The following ADGRL3 variants were observed in gnomAD, a reference collection of about 807,000 sequenced individuals.
The protein encoded by ADGRL3 is calcium-independent alpha-latrotoxin receptor 3.
In ADGRL3, 62 loss-of-function variants were observed where a neutral mutation model predicts 153.5. The ratio of observed to expected loss-of-function variants is 0.40; its 90% CI spans 0.33 to 0.50. The LOEUF (loss-of-function observed/expected upper bound fraction) is 0.50, where lower values mean the gene tolerates loss of function less well. ADGRL3 is among the 20% of genes least tolerant of loss of function. The probability of loss-of-function intolerance (pLI) is 0.47; values close to 1 mark genes in which losing one functional copy is unlikely to be tolerated. For missense variants in ADGRL3, 1,641 were observed against 1,859.4 expected (o/e 0.88, Z 2.16); for synonymous variants, 710 against 672.5 (o/e 1.06, Z -0.86).
intron 6 of ADGRL3, among the ~76,000 whole-genome samples, chr4:61,717,927 G>T (rs1048022425): frequency 6.6e-6 from 1 of 152,130 alleles, no homozygotes; most frequent in Admixed American, 6.6e-5. Context: ...CTAGCTACTC[G>T]GGTGGCTGAG....
intron 1 of ADGRL3, among the ~76,000 whole-genome samples, chr4:61,224,840 C>T (rs766440080): frequency 2.0e-5 from 3 of 152,290 alleles, no homozygotes; most frequent in Non-Finnish European, 2.9e-5. Context: ...GATGGCGACA[C>T]ACAACCATTT....
intron 11 of ADGRL3, among the ~76,000 whole-genome samples, chr4:61,899,428 C>T (rs1188514620): frequency 1.3e-5 from 2 of 152,018 alleles, no homozygotes; most frequent in African/African-American, 4.8e-5. Context: ...CTTTACCCTC[C>T]CCCTGCTGCC....
intron 9 of ADGRL3, among the ~76,000 whole-genome samples, chr4:61,876,736 A>T (rs143351739): frequency 0.011 from 1,695 of 151,736 alleles, 21 homozygotes; most frequent in South Asian, 0.052. Flanking sequence ...GTATAATAAA[A>T]AAAATAAAAT....
At chr4:61,939,998 T>C (rs2098875643) in intron 15 of ADGRL3, among the ~76,000 whole-genome samples, 1 of 149,198 alleles carries the variant, frequency 6.7e-6, no homozygotes, top group Non-Finnish European at 1.5e-5. Flanking sequence ...GTTACATATG[T>C]ATACATGTGC....
chr4:61,972,339 G>A (rs1227222208), intron 17 of ADGRL3, among the ~76,000 whole-genome samples: 1 of 152,102 alleles, frequency 6.6e-6, no homozygotes, highest in Non-Finnish European at 1.5e-5. Flanking sequence ...TTTGTATAAG[G>A]TGTAAGGAAG....
chr4:61,963,565 C>T (rs755510505), intron 17 of ADGRL3, among the ~76,000 whole-genome samples: 12 of 152,152 alleles, frequency 7.9e-5, no homozygotes, highest in Non-Finnish European at 1.5e-4. Flanking sequence ...CCTCCAGTTC[C>T]ATCCATGTTG....
chr4:61,408,290 A>G (rs894685125), intron 2 of ADGRL3, among the ~76,000 whole-genome samples: 9 of 152,032 alleles, frequency 5.9e-5, no homozygotes, highest in Non-Finnish European at 7.4e-5. Context: ...TTCCAAATGC[A>G]TTGAGCTTAT....
intron 6 of ADGRL3, among the ~76,000 whole-genome samples, chr4:61,701,024 C>CT (rs777190183): frequency 3.9e-5 from 6 of 152,152 alleles, no homozygotes; most frequent in Non-Finnish European, 7.4e-5. Flanking sequence ...ACAATACTGT[C>CT]ACTCAGAAAT....
At chr4:62,001,829 T>C (rs1315389116) in intron 21 of ADGRL3, among the ~76,000 whole-genome samples, 1 of 152,102 alleles carries the variant, frequency 6.6e-6, no homozygotes, top group Non-Finnish European at 1.5e-5. Flanking sequence ...TTTTCAAAAA[T>C]GTTTGTAAAA....
intron 2 of ADGRL3, among the ~76,000 whole-genome samples, chr4:61,426,534 G>A (rs2097283983): frequency 6.6e-6 from 1 of 151,026 alleles, no homozygotes; most frequent in Non-Finnish European, 1.5e-5. Context: ...TATGTATGCA[G>A]CCTTGCCTGG....
At chr4:61,626,637 C>A (rs766487191) in intron 5 of ADGRL3, among the ~76,000 whole-genome samples, 8 of 151,892 alleles carry the variant, frequency 5.3e-5, no homozygotes, top group Non-Finnish European at 1.0e-4. Flanking sequence ...TCTATTATAA[C>A]TTTATGAAGG....
chr4:61,356,545 AT>A (rs1295031482), intron 1 of ADGRL3, among the ~76,000 whole-genome samples: 1 of 151,996 alleles, frequency 6.6e-6, no homozygotes, highest in African/African-American at 2.4e-5. Context: ...TTTTGTAAGC[AT>A]TTTTTCATTT....
chr4:61,749,044 G>T (rs2096714728), intron 8 of ADGRL3, among the ~76,000 whole-genome samples: 1 of 151,578 alleles, frequency 6.6e-6, no homozygotes, highest in Non-Finnish European at 1.5e-5. Flanking sequence ...CAAAAAGTGG[G>T]CAAAGGACAT....
chr4:61,762,444 C>T (rs1172824415), intron 8 of ADGRL3, among the ~76,000 whole-genome samples: 2 of 151,974 alleles, frequency 1.3e-5, no homozygotes, highest in Non-Finnish European at 2.9e-5. Flanking sequence ...TGGGAAATCA[C>T]AAAGTTAGTT....
chr4:61,680,619 A>G (rs2095315613), intron 6 of ADGRL3, among the ~76,000 whole-genome samples: 1 of 152,070 alleles, frequency 6.6e-6, no homozygotes, highest in African/African-American at 2.4e-5. Context: ...AAAGCTTGCA[A>G]TAATTCTTGC....
intron 5 of ADGRL3, among the ~76,000 whole-genome samples, chr4:61,643,292 C>T (rs2093781998): frequency 6.6e-6 from 1 of 151,774 alleles, no homozygotes; most frequent in Non-Finnish European, 1.5e-5. Flanking sequence ...CCTTCTCCTG[C>T]CTAATTGCCC....
intron 2 of ADGRL3, among the ~76,000 whole-genome samples, chr4:61,388,072 A>G (rs962380099): frequency 2.0e-5 from 3 of 152,136 alleles, no homozygotes; most frequent in African/African-American, 7.2e-5. Flanking sequence ...CGTATCCATC[A>G]TCATCCACCC....
At chr4:61,399,831 GT>G (rs1295332186) in intron 2 of ADGRL3, among the ~76,000 whole-genome samples, 1 of 151,688 alleles carries the variant, frequency 6.6e-6, no homozygotes, top group Non-Finnish European at 1.5e-5. Context: ...GAGAAGGAAT[GT>G]CATTTGTATT....
At chr4:61,474,587 C>G (rs2098019561) in intron 2 of ADGRL3, among the ~76,000 whole-genome samples, 1 of 152,048 alleles carries the variant, frequency 6.6e-6, no homozygotes, top group Admixed American at 6.6e-5. Context: ...GAAAATTTAT[C>G]TAACAATAAG....
Sources: allele counts gnomAD v4.1 joint callset (sites outside exome capture counted in the v4.1 genomes callset), GRCh38; gene constraint gnomAD v4.1.1; transcripts MANE v1.5; gene names NCBI Gene and HGNC (gene_info 2026-07-23, HGNC 2026-07-21).